Variants in RIPOR2 observed in about 807,000 individuals in gnomAD.
The protein encoded by RIPOR2 is RHO family interacting cell polarization regulator 2, also known as rho family-interacting cell polarization regulator 2.
A neutral mutation model predicts 114.5 loss-of-function variants in RIPOR2; 39 were observed. The observed-to-expected ratio is 0.34, with a 90% CI of 0.26 to 0.44. RIPOR2 has a LOEUF of 0.44. Ranked by LOEUF, RIPOR2 falls within the 20% of genes least tolerant of loss-of-function variation. The pLI is 1.00. For missense variants in RIPOR2, 1,007 were observed against 1,255.1 expected (o/e 0.80, Z 2.99); for synonymous variants, 445 against 484.4 (o/e 0.92, Z 1.07).
chr6:25,016,328 G>A (rs1428282246), intron 1 of RIPOR2, among the ~76,000 whole-genome samples: 2 of 152,156 alleles, frequency 1.3e-5, no homozygotes, highest in Non-Finnish European at 2.9e-5. Flanking sequence ...AAAAATTTAG[G>A]CTGAATGGAA....
intron 11 of RIPOR2, among the ~76,000 whole-genome samples, chr6:24,849,029 C>G (rs1214399218): frequency 6.6e-6 from 1 of 152,112 alleles, no homozygotes; most frequent in South Asian, 2.1e-4. Flanking sequence ...CTTAGCCTCC[C>G]GAGTAGCTGG....
chr6:24,963,117 A>G (rs913952464), intron 1 of RIPOR2, among the ~76,000 whole-genome samples: 1 of 152,108 alleles, frequency 6.6e-6, no homozygotes, highest in Non-Finnish European at 1.5e-5. Flanking sequence ...GGCTCACTGC[A>G]ACCTCCATCT....
chr6:24,839,571 T>C (rs1434365067), intron 13 of RIPOR2: 15 of 1,491,144 alleles, frequency 1.0e-5, no homozygotes, highest in African/African-American at 2.8e-5. Context: ...ATGGGCACAC[T>C]GGGATCCATT....
intron 1 of RIPOR2, among the ~76,000 whole-genome samples, chr6:24,882,647 C>G (rs1766458288): frequency 6.6e-6 from 1 of 152,198 alleles, no homozygotes; most frequent in Non-Finnish European, 1.5e-5. Context: ...TTTGTATCAT[C>G]CAAAGACAAC....
At chr6:24,811,536 C>A (rs1270672817) in intron 20 of RIPOR2, among the ~76,000 whole-genome samples, 1 of 151,960 alleles carries the variant, frequency 6.6e-6, no homozygotes, top group Non-Finnish European at 1.5e-5. Flanking sequence ...TGCACCTGGC[C>A]TTCTCTCATT....
At chr6:24,870,109 T>C (rs1018601577) in intron 5 of RIPOR2, among the ~76,000 whole-genome samples, 2 of 152,252 alleles carry the variant, frequency 1.3e-5, no homozygotes, top group Non-Finnish European at 2.9e-5. Flanking sequence ...CTAACAGTTT[T>C]CTTGATAACT....
chr6:24,940,952 C>T (rs1772096086), upstream of RIPOR2, among the ~76,000 whole-genome samples: 1 of 152,168 alleles, frequency 6.6e-6, no homozygotes, highest in African/African-American at 2.4e-5. Flanking sequence ...CTGCGCCTGG[C>T]TGGAACATGA....
At chr6:24,946,328 G>A (rs1581854853) in intron 1 of RIPOR2, among the ~76,000 whole-genome samples, 2 of 152,104 alleles carry the variant, frequency 1.3e-5, no homozygotes, top group African/African-American at 4.8e-5. Flanking sequence ...ACCTGCCTCG[G>A]CCTCTCAAAG....
intron 1 of RIPOR2, among the ~76,000 whole-genome samples, chr6:24,959,892 C>G (rs1773226805): frequency 6.6e-6 from 1 of 152,144 alleles, no homozygotes; most frequent in Non-Finnish European, 1.5e-5. Flanking sequence ...GTTATGCCAC[C>G]TTTTGGCCAA....
chr6:24,840,604 C>A, intron 13 of RIPOR2: 2 of 1,506,754 alleles, frequency 1.3e-6, no homozygotes, highest in Non-Finnish European at 1.8e-6. Context: ...GATTTCTTAG[C>A]GCAAGGTAGG....
At chr6:24,845,841 G>T (rs571591968) in intron 12 of RIPOR2, among the ~76,000 whole-genome samples, 3 of 152,132 alleles carry the variant, frequency 2.0e-5, no homozygotes, top group African/African-American at 4.8e-5. Context: ...GGCAGGCACC[G>T]GAGGAAGTGC....
At position 24,904,491 on chromosome 6, in the gene RIPOR2, C is replaced by T. The variant is rs1281259372; in HGVS notation, c.62-28674G>A. Among the ~76,000 whole-genome samples the T allele has an allele frequency of 2.0e-5, 3 of 152,206 alleles. No homozygotes were observed. The East Asian group carries it at 5.8e-4, about 29-fold the overall frequency. On this transcript the variant is annotated intron_variant, in intron 1 of 21. Coordinates refer to ENST00000643898, the MANE Select transcript of RIPOR2 (RefSeq NM_001286445.3). ...ATTAGATTGGGCCCAACTGGGTAAT[C>T]CAGGATACTGTCAAGTCCTTGACTT...
At chr6:24,913,896 T>C (rs115692682) in intron 1 of RIPOR2, among the ~76,000 whole-genome samples, 3,816 of 152,252 alleles carry the variant, frequency 0.025, 154 homozygotes, top group African/African-American at 0.082. Context: ...TTGACAGGCA[T>C]TGGGGGTGGG....
At chr6:24,875,193 T>A (rs1408709535) in intron 2 of RIPOR2, among the ~76,000 whole-genome samples, 1 of 152,250 alleles carries the variant, frequency 6.6e-6, no homozygotes, top group Non-Finnish European at 1.5e-5. Flanking sequence ...TAAACTTGGT[T>A]ACATGTTGCT....
At chr6:24,976,443 G>C (rs1490894579) in intron 1 of RIPOR2, 3 of 1,566,098 alleles carry the variant, frequency 1.9e-6, no homozygotes, top group Admixed American at 1.7e-5. Flanking sequence ...CATGTTCTTC[G>C]ACATTGCCGT....
intron 1 of RIPOR2, among the ~76,000 whole-genome samples, chr6:24,894,784 T>A (rs1481560716): frequency 1.3e-5 from 2 of 152,174 alleles, no homozygotes; most frequent in African/African-American, 4.8e-5. Context: ...CAAGAATAAA[T>A]GGATAAATGG....
At chr6:24,971,220 A>G (rs1773775860) in intron 1 of RIPOR2, among the ~76,000 whole-genome samples, 1 of 152,228 alleles carries the variant, frequency 6.6e-6, no homozygotes, top group Non-Finnish European at 1.5e-5. Context: ...TGGCCATAGC[A>G]CAGCATGGGT....
At chr6:24,925,513 C>T (rs1324177004) in intron 1 of RIPOR2, among the ~76,000 whole-genome samples, 5 of 152,076 alleles carry the variant, frequency 3.3e-5, no homozygotes, top group African/African-American at 1.2e-4. Context: ...ATCATCCTGG[C>T]TAACATGGTG....
At chr6:24,931,640 C>A (rs1485148482) in intron 1 of RIPOR2, among the ~76,000 whole-genome samples, 2 of 152,164 alleles carry the variant, frequency 1.3e-5, no homozygotes, top group Non-Finnish European at 2.9e-5. Flanking sequence ...CTGACAAATG[C>A]TTTGTAGTTT....
Sources: allele counts gnomAD v4.1 joint callset (sites outside exome capture counted in the v4.1 genomes callset), GRCh38; gene constraint gnomAD v4.1.1; transcripts MANE v1.5; gene names NCBI Gene and HGNC (gene_info 2026-07-23, HGNC 2026-07-21).